Variants in ADGRG2 observed in about 807,000 individuals in gnomAD.
ADGRG2 encodes the protein adhesion G protein-coupled receptor G2, also known as G protein-coupled receptor 64.
ADGRG2 carries 26 observed loss-of-function variants against 74.1 expected under a neutral mutation model. That is an observed-to-expected ratio of 0.35 (90% CI 0.26 to 0.49). ADGRG2 has a LOEUF of 0.49. Among genes scored for constraint, ADGRG2 ranks in the 20% least tolerant of loss-of-function variants. The pLI is 0.99. For missense variants in ADGRG2, 619 were observed against 763.1 expected (o/e 0.81, Z 2.22); for synonymous variants, 296 against 295.2 (o/e 1.00, Z -0.03).
chrX:19,122,538 G>C (rs1737350762), upstream of ADGRG2: 9 of 110,101 alleles, frequency 8.2e-5, no homozygotes, highest in South Asian at 3.2e-3. Flanking sequence ...CCGCGGCCTC[G>C]GCGCCGCCCC....
chrX:19,031,907 T>C (rs1046763301), intron 8 of ADGRG2: 3 of 112,236 alleles, frequency 2.7e-5, no homozygotes, highest in African/African-American at 9.7e-5. Flanking sequence ...AAGAAATCCA[T>C]AGTACATGGG....
chrX:19,055,694 G>A (rs997610129), intron 3 of ADGRG2, among the ~76,000 whole-genome samples: 13 of 110,383 alleles, frequency 1.2e-4, no homozygotes, highest in African/African-American at 4.3e-4. Context: ...GCAGGCAAAC[G>A]GGGAAAGAGA....
chrX:19,037,017 A>AT (rs960807830), intron 6 of ADGRG2, among the ~76,000 whole-genome samples: 4 of 111,266 alleles, frequency 3.6e-5, no homozygotes, highest in South Asian at 3.8e-4. Context: ...TAGGGAAGCC[A>AT]TTTTTTTCCC....
intron 1 of ADGRG2, among the ~76,000 whole-genome samples, chrX:19,092,599 C>G (rs776288715): frequency 9.0e-6 from 1 of 111,443 alleles, no homozygotes; most frequent in East Asian, 2.9e-4. Context: ...GGAAAGCAGT[C>G]CTGCAGCTCC....
chrX:19,010,791 G>A lies in ADGRG2; in HGVS notation c.1100-13C>T. On this transcript the variant is annotated splice_polypyrimidine_tract_variant and intron_variant, in intron 16 of 28. Transcript: ENST00000379869. The stretch of plus-strand genomic sequence containing the variant: ...GTGTTGACGATGTCTATATCAAAGA[G>A]CCAAATCGTGTTATGAACACACAAT... 2 of 1,162,817 alleles carry A rather than the reference G, an allele frequency of 1.7e-6. No individual in the cohort carries two copies. The highest frequency in any genetic ancestry group is 2.3e-6 in the Non-Finnish European group (2 of 859,975).
chrX:19,116,328 T>C lies in ADGRG2; in HGVS notation c.-47+6114A>G, dbSNP rs776490727. On this transcript the variant is annotated intron_variant, in intron 1 of 28. Coordinates refer to ENST00000379869, the MANE Select transcript of ADGRG2 (RefSeq NM_001079858.3). ...GAGCTCGAGAAAAGCCTGATCAATATGGTAAAACCCCGACTCTACTAAAAA... is the reference window on the plus strand; with the variant it reads ...GAGCTCGAGAAAAGCCTGATCAATACGGTAAAACCCCGACTCTACTAAAAA... Among the ~76,000 whole-genome samples the C allele has an allele frequency of 1.8e-4, 19 of 107,758 alleles. 1 individual carries two copies. The highest frequency in any genetic ancestry group is 5.0e-4 in the Admixed American group (5 of 10,000). 93.6% of individuals were successfully genotyped at this position (107,758 alleles called of 115,157 possible).
At chrX:19,077,742 T>C (rs1187585600) in intron 2 of ADGRG2, among the ~76,000 whole-genome samples, 1 of 111,834 alleles carries the variant, frequency 8.9e-6, no homozygotes, top group Non-Finnish European at 1.9e-5. Context: ...TTTATACTAA[T>C]ATCAGACAAA....
Position 19,021,122 on chromosome X carries a change from C to G in ADGRG2, c.625G>C (p.Val209Leu). 1 of 1,086,206 alleles carries G rather than the reference C, an allele frequency of 9.2e-7. No homozygotes were observed. The highest frequency in any genetic ancestry group is 2.2e-5 in the Admixed American group (1 of 45,591). 89.5% of individuals were successfully genotyped at this position (1,086,206 alleles called of 1,213,427 possible). The change falls in exon 14 of 29, where the codon GTA (valine) becomes CTA (leucine). Residue 209 changes from valine to leucine, a missense_variant. Physicochemically the swap from Val to Leu is conservative, Grantham distance 32 (BLOSUM62 1). Transcript: ENST00000379869. ...AACTTACCCATTGGTCGAATCTTTACTCTTTCCAAAGCAGCTATTACAGCA... is the reference window on the plus strand; with the variant it reads ...AACTTACCCATTGGTCGAATCTTTAGTCTTTCCAAAGCAGCTATTACAGCA... ...ACAVIAALER[V>L]KIRPMEHCCC...
chrX:19,049,440 T>G (rs868207170), intron 3 of ADGRG2, among the ~76,000 whole-genome samples: 54 of 95,973 alleles, frequency 5.6e-4, no homozygotes, highest in African/African-American at 7.8e-4. Context: ...TTTTTTGTGT[T>G]TTTTTTTTTT....
At chrX:19,102,723 TCTCTCC>T (rs371476857) in intron 1 of ADGRG2, among the ~76,000 whole-genome samples, 10 of 107,495 alleles carry the variant, frequency 9.3e-5, no homozygotes, top group African/African-American at 2.8e-4. Flanking sequence ...GGGTAACCTG[TCTCTCC>T]CTCTCCCTCT....
At chrX:19,029,101 TACA>T (rs1007684913) in intron 9 of ADGRG2, among the ~76,000 whole-genome samples, 2 of 111,648 alleles carry the variant, frequency 1.8e-5, no homozygotes, top group African/African-American at 6.5e-5. Flanking sequence ...TACCCCAAAG[TACA>T]ACAACTTATT....
At position 18,991,049 on chromosome X, in the gene ADGRG2, C is replaced by G; in HGVS notation, c.2870-1G>C. 8.7e-7 allele frequency: 1 copy of G among 1,152,358 alleles called. No individual in the cohort carries two copies. Among genetic ancestry groups the G allele is most frequent in the Non-Finnish European group, 1.2e-6 (1 of 857,463 alleles). 95.0% of individuals were successfully genotyped at this position (1,152,358 alleles called of 1,213,427 possible). ...CCATTCCTCTCTGTAGAAGCATTTC[C>G]TGTATAAGGAAACACAAAGCGGGTG... On this transcript the variant is annotated splice_acceptor_variant, in intron 28 of 28. Coordinates refer to ENST00000379869, the MANE Select transcript of ADGRG2 (RefSeq NM_001079858.3). LOFTEE classifies it high-confidence loss of function.
chrX:19,082,126 A>G (rs1395141995), intron 2 of ADGRG2, among the ~76,000 whole-genome samples: 4 of 109,953 alleles, frequency 3.6e-5, no homozygotes, highest in African/African-American at 1.3e-4. Context: ...AAAAGAAAAG[A>G]AAAAAGAAAG....
intron 2 of ADGRG2, among the ~76,000 whole-genome samples, chrX:19,080,802 C>T (rs2061834015): frequency 9.1e-6 from 1 of 110,263 alleles, no homozygotes; most frequent in African/African-American, 3.3e-5. Context: ...CTCAAGCGAT[C>T]CTCCTGCCTC....
Position 19,030,989 on chromosome X carries a change from T to C in ADGRG2, c.353A>G (p.Asp118Gly). 1 of 1,175,136 alleles carries C rather than the reference T, an allele frequency of 8.5e-7. No individual in the cohort carries two copies. The highest frequency in any genetic ancestry group is 1.2e-6 in the Non-Finnish European group (1 of 862,920). The stretch of plus-strand genomic sequence containing the variant: ...TAATGTACACAAGAACTAACCTGAG[T>C]CATTGCAAATAGATGACAAATTGCA... ...NICNLSSICN[D>G]SAFFRGEIMF... Residue 118 changes from aspartate (D) to glycine (G), a missense_variant, in exon 9 of 29, where the codon GAC (aspartate) becomes GGC (glycine). Physicochemically the swap from Asp to Gly is moderately conservative, Grantham distance 94. This residue lies in a region of ADGRG2 where 292 missense variants were observed against 318.0 expected (regional missense o/e 0.92). Coordinates refer to ENST00000379869, the MANE Select transcript of ADGRG2 (RefSeq NM_001079858.3).
chrX:19,022,784 C>T lies in ADGRG2; in HGVS notation c.548+632G>A, dbSNP rs748091077. ...CAATCTCGGCTCACTGCAACCTCTGCCTCCCAGGCTCAAGTGATTCTTGTG... is the reference window on the plus strand; with the variant it reads ...CAATCTCGGCTCACTGCAACCTCTGTCTCCCAGGCTCAAGTGATTCTTGTG... On this transcript the variant is annotated intron_variant, in intron 13 of 28. Transcript: ENST00000379869. Among the ~76,000 whole-genome samples the T allele has an allele frequency of 2.7e-5, 3 of 112,048 alleles. No individual in the cohort carries two copies. The South Asian group carries it at 1.1e-3, about 42-fold the overall frequency.
At chrX:19,122,620 G>T (rs2062630184), upstream of ADGRG2, 1 of 109,295 alleles carries the variant, frequency 9.1e-6, no homozygotes, top group Non-Finnish European at 1.9e-5. Flanking sequence ...GGCGCTCGGC[G>T]GCGGCGAGGC....
intron 3 of ADGRG2, among the ~76,000 whole-genome samples, chrX:19,064,048 A>G (rs1230950035): frequency 8.9e-6 from 1 of 111,948 alleles, no homozygotes; most frequent in Non-Finnish European, 1.9e-5. Context: ...ATATTTAAAT[A>G]CCAACTCCCA....
chrX:19,097,107 C>T (rs867711653), intron 1 of ADGRG2, among the ~76,000 whole-genome samples: 1 of 112,608 alleles, frequency 8.9e-6, no homozygotes, highest in Middle Eastern at 4.6e-3. Flanking sequence ...GCCTCCCCTC[C>T]TTATGCTCTT....
Sources: gnomAD v4.1 joint callset for allele counts (sites outside exome capture counted in the v4.1 genomes callset) on GRCh38, gnomAD v4.1.1 for gene constraint, gnomAD v4.1.1 regional missense constraint, MANE v1.5 for transcripts, NCBI Gene and HGNC (gene_info 2026-07-23, HGNC 2026-07-21) for gene names.